The following AACS variants were observed in gnomAD, a reference collection of about 807,000 sequenced individuals.
AACS encodes the protein acetoacetyl-CoA synthetase.
In AACS, 69 loss-of-function variants were observed where a neutral mutation model predicts 83.1. That is an observed-to-expected ratio of 0.83 (90% CI 0.68 to 1.01). AACS has a LOEUF of 1.01. Among genes scored for constraint, AACS ranks in the 50% least tolerant of loss-of-function variants. The probability of loss-of-function intolerance (pLI) is 0.00; values close to 1 mark genes in which losing one functional copy is unlikely to be tolerated. For synonymous variants in AACS, 333 were observed against 343.4 expected (o/e 0.97, Z 0.33); for missense variants, 866 against 882.2 (o/e 0.98, Z 0.23).
chr12:125,101,173 A>G (rs1161495219), intron 5 of AACS: 1 of 152,234 alleles, frequency 6.6e-6, no homozygotes, highest in African/African-American at 2.4e-5. Flanking sequence ...AGGGAAGTGA[A>G]TAGAAGCCTT....
In AACS at chr12:125,143,104, C is replaced by G. The variant is rs1248267358; in HGVS notation, c.*875C>G. ...GATCATGTCATCAGCACCCCTAAGT[C>G]AAGTCACGGGTTTCCATAGCCAGGC... On this transcript the variant is annotated 3_prime_UTR_variant, in exon 18 of 18. Coordinates refer to ENST00000316519, the MANE Select transcript of AACS (RefSeq NM_023928.5). 6.6e-6 allele frequency: 1 copy of G among 152,224 alleles called. No homozygotes were observed. The highest frequency in any genetic ancestry group is 1.5e-5 in the Non-Finnish European group (1 of 68,046). The allele number at this position is 152,224 out of a possible 1,614,324, so 9.4% of individuals were successfully genotyped here. A position where few individuals can be genotyped will look rare whatever the true frequency, so the allele number is the denominator to read the frequency against.
intron 8 of AACS, among the ~76,000 whole-genome samples, chr12:125,110,330 C>T (rs753489780): frequency 7.9e-5 from 12 of 152,008 alleles, no homozygotes; most frequent in Non-Finnish European, 1.6e-4. Flanking sequence ...CTTGGCCTCC[C>T]AAAGTGCTGG....
intron 2 of AACS, 118 bp downstream of exon 2, chr12:125,074,097 A>G: frequency 2.5e-6 from 2 of 801,450 alleles, no homozygotes; most frequent in Admixed American, 5.0e-5. Context: ...CAGATGGGAA[A>G]AAGTCATTGC....
rs1384058465 is a variant in AACS at position 125,129,216 on chromosome 12, G to A, written c.1424-119G>A. 25 of 1,408,826 alleles carry A rather than the reference G, an allele frequency of 1.8e-5. No individual in the cohort carries two copies. In the East Asian group the frequency reaches 6.0e-4, roughly 34 times the overall value. The allele number at this position is 1,408,826 out of a possible 1,614,324, so 87.3% of individuals were successfully genotyped here. The stretch of plus-strand genomic sequence containing the variant: ...AGGTGTGTGGGCGTGGACCATCTCT[G>A]TACCTTTGTATATGTCTGGAATATT... On this transcript the variant is annotated intron_variant, in intron 13 of 17. Coordinates refer to ENST00000316519, the MANE Select transcript of AACS (RefSeq NM_023928.5). This position sits in a 1 kb window ranked among gnomAD's most constrained non-coding sequence, Gnocchi z 4.3.
chr12:125,107,308 CTG>C (rs1956857303), intron 8 of AACS, 40 bp downstream of exon 8: 5 of 1,602,182 alleles, frequency 3.1e-6, no homozygotes, highest in East Asian at 2.2e-5. Context: ...CTCCTGTTGT[CTG>C]TTTGCTTCAA....
intron 4 of AACS, among the ~76,000 whole-genome samples, chr12:125,088,626 C>T (rs1956393241): frequency 6.6e-6 from 1 of 152,170 alleles, no homozygotes; most frequent in African/African-American, 2.4e-5. Flanking sequence ...CAAAGGAATG[C>T]AAAATGTTCT....
chr12:125,114,580 G>T, intron 9 of AACS, 23 bp downstream of exon 9: 1 of 1,607,128 alleles, frequency 6.2e-7, no homozygotes, highest in Non-Finnish European at 8.5e-7. Context: ...CCAGGTGCTG[G>T]CCTGTGCTAT....
chr12:125,134,797 C>T lies in AACS; in HGVS notation c.1623C>T (p.Asp541=), dbSNP rs141190148. Residue 541 remains aspartate, a synonymous_variant, in exon 16 of 18, where the codon GAC becomes GAT. Transcript: ENST00000316519. ...CTGACCTCTTCTCTCTTTCCAGTGA[C>T]GGCACCCTCAACCCCAACGGGGTGC... ...TGGIVMLGRS[D]GTLNPNGVRF... is the part of the protein sequence containing the mutation. 1.4e-4 allele frequency: 233 copies of T among 1,614,140 alleles called. No homozygotes were observed. The highest frequency in any genetic ancestry group is 8.3e-4 in the African/African-American group (62 of 75,034).
chr12:125,065,608 T>A lies in AACS; in HGVS notation c.24T>A (p.Gly8=), dbSNP rs1292732129. ...CCATGTCCAAGGAGGAGCGCCCCGG[T>A]CGGGAGGAGATCCTGGAGTGCCAGG... MSKEERP[G]REEILECQVM... The change falls in exon 1 of 18, where the codon GGT becomes GGA. Residue 8 remains glycine (G), a synonymous_variant. Coordinates refer to ENST00000316519, the MANE Select transcript of AACS (RefSeq NM_023928.5). The A allele has an allele frequency of 2.0e-6, 3 of 1,494,638 alleles. No individual in the cohort carries two copies. The Admixed American group carries it at 6.2e-5, about 31-fold the overall frequency. 92.6% of individuals were successfully genotyped at this position (1,494,638 alleles called of 1,614,324 possible).
At chr12:125,138,467 A>T (rs1407880585) in intron 17 of AACS, 1 of 152,206 alleles carries the variant, frequency 6.6e-6, no homozygotes, top group Non-Finnish European at 1.5e-5. Context: ...TCAGTGAATC[A>T]GTGCTGTCTT....
At chr12:125,104,820 A>G (rs1232123641) in intron 7 of AACS, among the ~76,000 whole-genome samples, 2 of 152,240 alleles carry the variant, frequency 1.3e-5, no homozygotes, top group African/African-American at 2.4e-5. Flanking sequence ...TTGCCTTGCT[A>G]TAAAGAAATA....
At chr12:125,084,540 G>C (rs1202267269) in intron 3 of AACS, among the ~76,000 whole-genome samples, 1 of 151,322 alleles carries the variant, frequency 6.6e-6, no homozygotes, top group Non-Finnish European at 1.5e-5. Flanking sequence ...AGCAGCTAGG[G>C]CTACAGGTAT....
In AACS at chr12:125,113,116, T is replaced by A. The variant is rs552396202; in HGVS notation, c.916-1361T>A. Among the ~76,000 whole-genome samples, 1 of 152,202 alleles carries A rather than the reference T, an allele frequency of 6.6e-6. No homozygotes were observed. Among genetic ancestry groups the A allele is most frequent in the Non-Finnish European group, 1.5e-5 (1 of 68,046 alleles). The stretch of plus-strand genomic sequence containing the variant: ...GTGGGCTGGGTGGCGGTTGCCTGTT[T>A]GGGATGGACTCCGGAATAGGAGTTT... On this transcript the variant is annotated intron_variant, in intron 8 of 17. Coordinates refer to ENST00000316519, the MANE Select transcript of AACS (RefSeq NM_023928.5). The surrounding 1 kb of genome is among the most constrained non-coding windows in gnomAD (Gnocchi z 4.8).
chr12:125,136,631 C>CTCACGCAGGG, intron 16 of AACS, 31 bp from the exon 17 acceptor site: 2 of 1,602,410 alleles, frequency 1.2e-6, no homozygotes, highest in Non-Finnish European at 1.7e-6. Flanking sequence ...GGGCCCCCTG[C>CTCACGCAGGG]GTGAATGTGC....
Position 125,097,356 on chromosome 12 carries a change from C to A in AACS, c.571-5323C>A, listed in dbSNP as rs904210332. Among the ~76,000 whole-genome samples the A allele has an allele frequency of 3.3e-5, 5 of 151,772 alleles. No individual in the cohort carries two copies. Among genetic ancestry groups the A allele is most frequent in the African/African-American group, 9.7e-5 (4 of 41,282 alleles). On this transcript the variant is annotated intron_variant, in intron 5 of 17. Transcript: ENST00000316519. The surrounding 1 kb of genome is among the most constrained non-coding windows in gnomAD (Gnocchi z 4.3). ...TGACCGAAGGCCTGATGTCCTGAGGCCAGGGGCCAAGTCCCTGTTACCTGT... is the reference window on the plus strand; with the variant it reads ...TGACCGAAGGCCTGATGTCCTGAGGACAGGGGCCAAGTCCCTGTTACCTGT...
chr12:125,114,598 T>C (rs1270726739), intron 9 of AACS, 41 bp downstream of exon 9: 2 of 1,563,826 alleles, frequency 1.3e-6, no homozygotes, highest in South Asian at 1.1e-5. Context: ...TATACCACAA[T>C]AGGGGCTTCC....
At chr12:125,110,282 A>G (rs1465044562) in intron 8 of AACS, among the ~76,000 whole-genome samples, 1 of 150,050 alleles carries the variant, frequency 6.7e-6, no homozygotes, top group East Asian at 2.0e-4. Context: ...TATGTTGGCC[A>G]GGCTGGTCTC....
At chr12:125,087,979 C>A (rs1443514032) in intron 4 of AACS, among the ~76,000 whole-genome samples, 1 of 152,178 alleles carries the variant, frequency 6.6e-6, no homozygotes, top group Non-Finnish European at 1.5e-5. Context: ...GAGGCCGTTC[C>A]TGGTTAGCCT....
At position 125,080,816 on chromosome 12, in the gene AACS, C is replaced by T. The variant is rs1046998227; in HGVS notation, c.358+4205C>T. ...ACGCCATTCTCCTGCCTCAGCCTCC[C>T]GAGTAGCTGGGACTACAGGCGCCCG... is the stretch of plus-strand genomic sequence containing the variant. On this transcript the variant is annotated intron_variant, in intron 3 of 17. Transcript: ENST00000316519. 8.0e-5 allele frequency among the ~76,000 whole-genome samples: 12 copies of T among 150,618 alleles called. No homozygotes were observed. The East Asian group carries it at 1.4e-3, about 17-fold the overall frequency.
Sources: gnomAD v4.1 joint callset for allele counts (sites outside exome capture counted in the v4.1 genomes callset) on GRCh38, gnomAD v4.1.1 for gene constraint, Gnocchi (gnomAD v3.1) non-coding constraint, MANE v1.5 for transcripts, NCBI Gene and HGNC (gene_info 2026-07-23, HGNC 2026-07-21) for gene names.